Variants in GALNT17 observed in about 807,000 individuals in gnomAD.
GALNT17 encodes polypeptide N-acetylgalactosaminyltransferase 17.
A neutral mutation model predicts 63.7 loss-of-function variants in GALNT17; 29 were observed. The ratio of observed to expected loss-of-function variants is 0.46; its 90% CI spans 0.34 to 0.62. The LOEUF (loss-of-function observed/expected upper bound fraction) is 0.62. Among genes scored for constraint, GALNT17 ranks in the 20% least tolerant of loss-of-function variants. The pLI is 0.01. For missense variants in GALNT17, 603 were observed against 799.6 expected (o/e 0.75, Z 2.97); for synonymous variants, 305 against 318.3 (o/e 0.96, Z 0.45).
At chr7:71,175,245 TC>T (rs1338681211) in intron 1 of GALNT17, among the ~76,000 whole-genome samples, 2 of 152,198 alleles carry the variant, frequency 1.3e-5, no homozygotes, top group Non-Finnish European at 1.5e-5. Context: ...CACACTTCCA[TC>T]CATCTGTCCA....
chr7:71,244,793 T>A (rs1429310077), intron 1 of GALNT17, among the ~76,000 whole-genome samples: 2 of 151,816 alleles, frequency 1.3e-5, no homozygotes, highest in East Asian at 3.9e-4. Flanking sequence ...TACAAAAAAA[T>A]TTAAAAATTA....
In GALNT17 at chr7:71,292,653, CAGAGAG is replaced by C. The variant is rs776918310; in HGVS notation, c.239-42886_239-42881del. On this transcript the variant is annotated intron_variant, in intron 1 of 10. Transcript: ENST00000333538. Reference sequence around the variant, plus strand: ...GGAGAGGGAGAGAGAGAGAGAGAGACAGAGAGAGAGAGAGAGTGTGTGTGTGTGTGT... The same window carrying C: ...GGAGAGGGAGAGAGAGAGAGAGAGACAGAGAGAGAGTGTGTGTGTGTGTGT... 2.3e-3 allele frequency among the ~76,000 whole-genome samples: 295 copies of C among 127,220 alleles called. 1 individual carries two copies. Among genetic ancestry groups the C allele is most frequent in the African/African-American group, 7.6e-3 (273 of 35,802 alleles). 83.5% of individuals were successfully genotyped at this position (127,220 alleles called of 152,430 possible). A position where few individuals can be genotyped will look rare whatever the true frequency, so the allele number is the denominator to read the frequency against.
chr7:71,307,289 G>A (rs576177828), intron 1 of GALNT17, among the ~76,000 whole-genome samples: 4 of 152,078 alleles, frequency 2.6e-5, no homozygotes, highest in Admixed American at 6.6e-5. Flanking sequence ...CCACATCCTC[G>A]CCAACACTTG....
chr7:71,445,874 C>T (rs563854914), intron 5 of GALNT17, among the ~76,000 whole-genome samples: 1 of 148,906 alleles, frequency 6.7e-6, no homozygotes, highest in East Asian at 2.1e-4. Flanking sequence ...CCTAAGTGAT[C>T]CGCCTACCTT....
At chr7:71,500,601 C>T (rs1036230075) in intron 5 of GALNT17, among the ~76,000 whole-genome samples, 1 of 152,206 alleles carries the variant, frequency 6.6e-6, no homozygotes, top group African/African-American at 2.4e-5. Context: ...AGACACTCAC[C>T]CCCTGCCACT....
At chr7:71,160,391 A>G (rs1387705594) in intron 1 of GALNT17, among the ~76,000 whole-genome samples, 2 of 152,198 alleles carry the variant, frequency 1.3e-5, no homozygotes, top group East Asian at 3.9e-4. Flanking sequence ...CATAAGTCAC[A>G]TTCTCATGTT....
At chr7:71,426,392 T>A (rs1563083911) in intron 5 of GALNT17, among the ~76,000 whole-genome samples, 1 of 152,214 alleles carries the variant, frequency 6.6e-6, no homozygotes, top group South Asian at 2.1e-4. Context: ...AGAAGCTTCT[T>A]AAATCTGCTG....
rs1583902515 is a variant in GALNT17, at chr7:71,377,103, AAAAT to A, written c.423-11128_423-11125del. 1.5e-3 allele frequency among the ~76,000 whole-genome samples: 96 copies of A among 62,808 alleles called. 2 individuals carry two copies. Among genetic ancestry groups the A allele is most frequent in the Non-Finnish European group, 2.1e-3 (70 of 33,080 alleles). 41.2% of individuals were successfully genotyped at this position (62,808 alleles called of 152,430 possible). ...TCCATCTCAAAAAAAAAAAAAAATA[AAAAT>A]AAAAAAAATATATATATATATATAT... On this transcript the variant is annotated intron_variant, in intron 2 of 10. Transcript: ENST00000333538.
intron 6 of GALNT17, among the ~76,000 whole-genome samples, chr7:71,662,836 T>C (rs1790928920): frequency 6.6e-6 from 1 of 152,268 alleles, no homozygotes; most frequent in Non-Finnish European, 1.5e-5. Context: ...CTAAGAGTTT[T>C]ATAGTTTTAG....
At chr7:71,685,946 CTATT>C (rs1562736555) in intron 9 of GALNT17, among the ~76,000 whole-genome samples, 7 of 86,822 alleles carry the variant, frequency 8.1e-5, no homozygotes, top group Non-Finnish European at 1.3e-4. Context: ...AAGGCAATTA[CTATT>C]TTTTTTTTTT....
intron 2 of GALNT17, among the ~76,000 whole-genome samples, chr7:71,385,566 C>T (rs1355300808): frequency 6.6e-6 from 1 of 152,168 alleles, no homozygotes; most frequent in Non-Finnish European, 1.5e-5. Flanking sequence ...CCCACATGAG[C>T]TTTATGCACA....
intron 1 of GALNT17, among the ~76,000 whole-genome samples, chr7:71,271,921 A>T (rs1168015493): frequency 1.3e-5 from 2 of 152,114 alleles, no homozygotes; most frequent in African/African-American, 4.8e-5. Flanking sequence ...CACCATGCCC[A>T]GCTAATCTTT....
intron 5 of GALNT17, among the ~76,000 whole-genome samples, chr7:71,561,255 G>A (rs544911877): frequency 6.6e-6 from 1 of 152,144 alleles, no homozygotes; most frequent in African/African-American, 2.4e-5. Context: ...CAGGTGATCC[G>A]CCCACCTCGG....
chr7:71,481,263 A>G (rs914184235), intron 5 of GALNT17, among the ~76,000 whole-genome samples: 1 of 152,200 alleles, frequency 6.6e-6, no homozygotes, highest in African/African-American at 2.4e-5. Flanking sequence ...CCTGGCCAAC[A>G]TGGTGAAACC....
intron 8 of GALNT17, among the ~76,000 whole-genome samples, chr7:71,675,436 C>T (rs1390723101): frequency 6.6e-6 from 1 of 152,138 alleles, no homozygotes; most frequent in Non-Finnish European, 1.5e-5. Context: ...AGCAAATATT[C>T]TGTTAAAACA....
At chr7:71,250,753 T>C (rs1790183583) in intron 1 of GALNT17, among the ~76,000 whole-genome samples, 1 of 152,200 alleles carries the variant, frequency 6.6e-6, no homozygotes, top group Non-Finnish European at 1.5e-5. Context: ...TTTGTATGTG[T>C]TGTAACAGAG....
intron 1 of GALNT17, among the ~76,000 whole-genome samples, chr7:71,268,144 T>C (rs1210149658): frequency 2.0e-5 from 3 of 152,124 alleles, no homozygotes; most frequent in African/African-American, 7.2e-5. Context: ...GATGAGTTAA[T>C]GGAGGAGAAA....
chr7:71,314,100 A>G (rs1028884709), intron 1 of GALNT17, among the ~76,000 whole-genome samples: 1 of 152,230 alleles, frequency 6.6e-6, no homozygotes, highest in South Asian at 2.1e-4. Context: ...TCATTCTTGT[A>G]GAGAACAGTG....
chr7:71,696,937 T>C (rs991069972), intron 9 of GALNT17, among the ~76,000 whole-genome samples: 1 of 152,098 alleles, frequency 6.6e-6, no homozygotes, highest in Non-Finnish European at 1.5e-5. Flanking sequence ...GAAAGACACA[T>C]TTATAAAATA....
Sources: allele counts gnomAD v4.1 joint callset (sites outside exome capture counted in the v4.1 genomes callset), GRCh38; gene constraint gnomAD v4.1.1; transcripts MANE v1.5; gene names NCBI Gene and HGNC (gene_info 2026-07-23, HGNC 2026-07-21).